The following LEMD1 variants were observed in gnomAD, a reference collection of about 807,000 sequenced individuals.
The protein encoded by LEMD1 is LEM domain containing 1.
A neutral mutation model predicts 17.4 loss-of-function variants in LEMD1; 18 were observed. The observed-to-expected ratio is 1.04, with a 90% CI of 0.72 to 1.54. LEMD1 has a LOEUF of 1.54. Ranked by LOEUF, LEMD1 falls within the 40% of genes most tolerant of loss-of-function variation. The pLI is 0.00. For synonymous variants in LEMD1, 88 were observed against 77.8 expected (o/e 1.13, Z -0.69); for missense variants, 195 against 210.4 (o/e 0.93, Z 0.45).
chr1:205,406,430 C>T (rs1192253992), intron 4 of LEMD1, among the ~76,000 whole-genome samples: 1 of 151,834 alleles, frequency 6.6e-6, no homozygotes, highest in African/African-American at 2.4e-5. Flanking sequence ...CTCCCCCAGC[C>T]TGGCTGCCGC....
At chr1:205,405,350 C>T (rs1268510353) in intron 4 of LEMD1, among the ~76,000 whole-genome samples, 4 of 149,930 alleles carry the variant, frequency 2.7e-5, no homozygotes, top group Non-Finnish European at 4.4e-5. Context: ...CAATCAGACA[C>T]AGATTTGGTC....
rs943323152 is a variant in LEMD1 at position 205,432,705 on chromosome 1, G to A, written c.-38-12131C>T. On this transcript the variant is annotated intron_variant, in intron 1 of 3. Coordinates refer to the LEMD1 transcript ENST00000367154. ...TAGACGCTGGCAAAGAAGAGAGGAG[G>A]GTCCCCGGGAAATCCCACCTCAGCC... is the stretch of plus-strand genomic sequence containing the variant. 2.3e-4 allele frequency among the ~76,000 whole-genome samples: 35 copies of A among 152,210 alleles called. 1 individual carries two copies. Among genetic ancestry groups the A allele is most frequent in the Non-Finnish European group, 4.1e-4 (28 of 68,036 alleles).
chr1:205,392,040 G>C lies in LEMD1; in HGVS notation c.271-7676C>G, dbSNP rs182818956. ...GCAGGAGGATTGCTTGAACCCGGGAGGCGGAGGTTTAAATGAGCCAAGATC... is the reference window on the plus strand; with the variant it reads ...GCAGGAGGATTGCTTGAACCCGGGACGCGGAGGTTTAAATGAGCCAAGATC... On this transcript the variant is annotated intron_variant, in intron 4 of 5. Transcript: ENST00000367153. Among the ~76,000 whole-genome samples, 592 of 151,994 alleles carry C rather than the reference G, an allele frequency of 3.9e-3. 3 individuals carry two copies. The highest frequency in any genetic ancestry group is 0.014 in the African/African-American group (566 of 41,416).
intron 4 of LEMD1, among the ~76,000 whole-genome samples, chr1:205,411,676 AAAGAAAG>A (rs771601980): frequency 1.2e-5 from 1 of 80,960 alleles, no homozygotes; most frequent in Non-Finnish European, 2.8e-5. Context: ...GAAAGAAAAG[AAAGAAAG>A]AAAGAAAGAA....
At chr1:205,433,312 T>C (rs955294661) in intron 1 of LEMD1, among the ~76,000 whole-genome samples, 7 of 151,858 alleles carry the variant, frequency 4.6e-5, no homozygotes, top group Admixed American at 1.3e-4. Context: ...CAAAAATTAG[T>C]GAGGCGTGGT....
chr1:205,411,309 T>G (rs1480448462), intron 4 of LEMD1, among the ~76,000 whole-genome samples: 1 of 150,808 alleles, frequency 6.6e-6, no homozygotes, highest in East Asian at 2.0e-4. Context: ...GGCTCACGCC[T>G]GTAATCCCAG....
At chr1:205,427,628 G>T (rs550329429) in intron 1 of LEMD1, among the ~76,000 whole-genome samples, 2 of 152,238 alleles carry the variant, frequency 1.3e-5, no homozygotes, top group South Asian at 2.1e-4. Context: ...AGAACATTGT[G>T]GGACATCCAT....
chr1:205,393,847 G>T (rs556698148), intron 4 of LEMD1, among the ~76,000 whole-genome samples: 255 of 140,554 alleles, frequency 1.8e-3, no homozygotes, highest in African/African-American at 6.7e-3. Context: ...CCACTCCTAG[G>T]TACCTAGCCA....
chr1:205,413,062 C>T (rs116337788), intron 4 of LEMD1, among the ~76,000 whole-genome samples: 171 of 152,254 alleles, frequency 1.1e-3, no homozygotes, highest in African/African-American at 3.6e-3. Flanking sequence ...TATGTTTAAA[C>T]GGGAAGCTGA....
intron 1 of LEMD1, among the ~76,000 whole-genome samples, chr1:205,446,595 G>T (rs1443104167): frequency 6.6e-6 from 1 of 152,220 alleles, no homozygotes; most frequent in Non-Finnish European, 1.5e-5. Flanking sequence ...GGGGCAGGAA[G>T]GTGGCATGGC....
intron 1 of LEMD1, chr1:205,435,956 A>G (rs1315097889): frequency 6.6e-6 from 1 of 152,210 alleles, no homozygotes; most frequent in Non-Finnish European, 1.5e-5. Context: ...ATGCTGTGTT[A>G]AAGGATGAGG....
At chr1:205,425,512 G>A (rs1666042967), upstream of LEMD1, among the ~76,000 whole-genome samples, 1 of 152,098 alleles carries the variant, frequency 6.6e-6, no homozygotes, top group African/African-American at 2.4e-5. Flanking sequence ...AGAGGTGGCT[G>A]TATAATTAAA....
At chr1:205,390,643 T>C (rs1467226724) in intron 4 of LEMD1, among the ~76,000 whole-genome samples, 1 of 152,198 alleles carries the variant, frequency 6.6e-6, no homozygotes, top group East Asian at 1.9e-4. Flanking sequence ...AAAGAGTTTA[T>C]TGTTGTAAAA....
chr1:205,401,466 C>T (rs1664850252), intron 4 of LEMD1, among the ~76,000 whole-genome samples: 1 of 85,918 alleles, frequency 1.2e-5, no homozygotes, highest in Non-Finnish European at 2.6e-5. Flanking sequence ...AGCATTTTTT[C>T]ATGTGTCTTT....
chr1:205,383,056 A>C (rs1036039222), intron 5 of LEMD1, among the ~76,000 whole-genome samples: 2 of 152,102 alleles, frequency 1.3e-5, no homozygotes, highest in African/African-American at 4.8e-5. Flanking sequence ...TACATAATAG[A>C]TTTACATATT....
At chr1:205,424,628 T>C (rs947317672), upstream of LEMD1, among the ~76,000 whole-genome samples, 5 of 152,130 alleles carry the variant, frequency 3.3e-5, no homozygotes, top group African/African-American at 1.2e-4. Flanking sequence ...ATCTGAACCA[T>C]AAGCATCCAA....
intron 3 of LEMD1, 123 bp from the exon 4 acceptor site, chr1:205,416,419 T>C: frequency 1.5e-6 from 1 of 663,964 alleles, no homozygotes; most frequent in Non-Finnish European, 2.6e-6. Context: ...GGGATGAAAA[T>C]TCACGTGGCT....
rs747049771 is a variant in LEMD1, at chr1:205,419,284, C to G, written c.151G>C (p.Val51Leu). 1 of 1,614,238 alleles carries G rather than the reference C, an allele frequency of 6.2e-7. No individual in the cohort carries two copies. Among genetic ancestry groups the G allele is most frequent in the Non-Finnish European group, 8.5e-7 (1 of 1,180,032 alleles). Reference protein sequence around the residue: ...LLVSPPCAPPVMNGPRELDGA... With the variant: ...LLVSPPCAPPLMNGPRELDGA... The stretch of plus-strand genomic sequence containing the variant: ...TCCAGCTCTCTGGGTCCATTCATCA[C>G]AGGTGGTGCACAGGGAGGTGAGACC... The change falls in exon 3 of 6, where the codon GTG becomes CTG. Residue 51 changes from valine (V) to leucine (L), a missense_variant. Coordinates refer to ENST00000367153, the MANE Select transcript of LEMD1 (RefSeq NM_001199050.2).
intron 4 of LEMD1, among the ~76,000 whole-genome samples, chr1:205,389,037 C>T (rs1053458771): frequency 0.018 from 1,359 of 77,624 alleles, 5 homozygotes; most frequent in Middle Eastern, 0.044. Context: ...CATTTGCTTT[C>T]TTTTTTTTTT....
Sources: allele counts gnomAD v4.1 joint callset (sites outside exome capture counted in the v4.1 genomes callset), GRCh38; gene constraint gnomAD v4.1.1; transcripts MANE v1.5; gene names NCBI Gene and HGNC (gene_info 2026-07-23, HGNC 2026-07-21).